HHIP: variants seen among roughly 807,000 people sequenced by gnomAD.
HHIP encodes hedgehog interacting protein.
HHIP carries 12 observed loss-of-function variants against 74.0 expected under a neutral mutation model. The ratio of observed to expected loss-of-function variants is 0.16; its 90% CI spans 0.10 to 0.26. HHIP has a LOEUF of 0.26. HHIP is among the 10% of genes least tolerant of loss of function. The pLI is 1.00. For synonymous variants in HHIP, 309 were observed against 311.6 expected (o/e 0.99, Z 0.09); for missense variants, 788 against 845.0 (o/e 0.93, Z 0.84).
In HHIP at chr4:144,740,832, A is replaced by G. The variant is rs925033794; in HGVS notation, c.*2875A>G. ...GATAAAGACGAAATAATGAAAAAGA[A>G]AAATGTATATTATTATTCCCTTGTC... On this transcript the variant is annotated 3_prime_UTR_variant, in exon 13 of 13. Transcript: ENST00000296575. 7 of 152,200 alleles carry G rather than the reference A, an allele frequency of 4.6e-5. No individual in the cohort carries two copies. The highest frequency in any genetic ancestry group is 1.4e-4 in the African/African-American group (6 of 41,450). The allele number at this position is 152,200 out of a possible 1,614,324, so 9.4% of individuals were successfully genotyped here.
At chr4:144,704,643 T>TA (rs1208050691) in intron 4 of HHIP, among the ~76,000 whole-genome samples, 13 of 152,218 alleles carry the variant, frequency 8.5e-5, no homozygotes, top group Non-Finnish European at 1.5e-4. Flanking sequence ...TACAAAGAAC[T>TA]ACTTTCAACA....
At chr4:144,655,552 A>C (rs547340125) in intron 2 of HHIP, among the ~76,000 whole-genome samples, 56 of 152,292 alleles carry the variant, frequency 3.7e-4, no homozygotes, top group African/African-American at 1.3e-3. Flanking sequence ...TCCTATTGCT[A>C]AGAAGGCCAA....
intron 4 of HHIP, among the ~76,000 whole-genome samples, chr4:144,702,651 C>T (rs1340045012): frequency 6.6e-6 from 1 of 151,132 alleles, no homozygotes; most frequent in East Asian, 1.9e-4. Context: ...GCCTATGAAG[C>T]TTGGATGAGG....
intron 4 of HHIP, among the ~76,000 whole-genome samples, chr4:144,689,056 T>C (rs552457459): frequency 2.6e-4 from 39 of 152,338 alleles, no homozygotes; most frequent in African/African-American, 8.4e-4. Context: ...AAAGAATCTT[T>C]CTATCAATTG....
At chr4:144,654,846 A>T (rs1374223756) in intron 2 of HHIP, 1 of 152,216 alleles carries the variant, frequency 6.6e-6, no homozygotes, top group East Asian at 1.9e-4. Context: ...TTTTTAGAAG[A>T]AACTAATCAA....
chr4:144,735,682 CT>C (rs36053039), intron 12 of HHIP, among the ~76,000 whole-genome samples: 75,134 of 151,902 alleles, frequency 0.49, 19,781 homozygotes, highest in South Asian at 0.72. Flanking sequence ...TATTAAAATA[CT>C]TATTGCCAAT....
intron 4 of HHIP, among the ~76,000 whole-genome samples, chr4:144,703,641 AAC>A (rs762534987): frequency 3.9e-4 from 60 of 152,276 alleles, no homozygotes; most frequent in Non-Finnish European, 8.2e-4. Flanking sequence ...TGGGGCTTTG[AAC>A]ACACACAGTC....
chr4:144,660,679 G>A (rs554171105), intron 4 of HHIP, among the ~76,000 whole-genome samples: 25 of 151,956 alleles, frequency 1.6e-4, no homozygotes, highest in African/African-American at 6.0e-4. Context: ...GTGGTAAGAA[G>A]ACCCAAATCA....
intron 6 of HHIP, 140 bp downstream of exon 6, chr4:144,707,400 G>C: frequency 1.5e-6 from 1 of 648,234 alleles, no homozygotes. Flanking sequence ...ATCAGTGTCT[G>C]CATTTATGAA....
At chr4:144,667,185 A>G (rs1728895891) in intron 4 of HHIP, among the ~76,000 whole-genome samples, 1 of 152,010 alleles carries the variant, frequency 6.6e-6, no homozygotes, top group Non-Finnish European at 1.5e-5. Context: ...CCCATCTTCT[A>G]CCAAAAATTT....
intron 10 of HHIP, among the ~76,000 whole-genome samples, 164 bp from the exon 11 acceptor site, chr4:144,718,711 T>C (rs574647155): frequency 3.3e-5 from 5 of 152,276 alleles, no homozygotes; most frequent in South Asian, 2.1e-4. Flanking sequence ...GAATTCTGGA[T>C]GCACTGTAAA....
intron 4 of HHIP, among the ~76,000 whole-genome samples, chr4:144,666,167 A>G (rs1207484339): frequency 6.6e-6 from 1 of 152,102 alleles, no homozygotes; most frequent in Non-Finnish European, 1.5e-5. Context: ...AATATCAAAC[A>G]TCACAAAACT....
chr4:144,677,681 G>C (rs1729207982), intron 4 of HHIP, among the ~76,000 whole-genome samples: 1 of 152,176 alleles, frequency 6.6e-6, no homozygotes, highest in African/African-American at 2.4e-5. Context: ...GAACAAATAA[G>C]ACCACTCGGA....
rs1730301802 is a variant in HHIP at position 144,711,483 on chromosome 4, T to TC, written c.1302-462dup. On this transcript the variant is annotated intron_variant, in intron 7 of 12. Transcript: ENST00000296575. ...TAGGTATTTGTCCTAAGGCTCTTCG[T>TC]CCCCCTGCACCCCGCCCCCCAACAG... Among the ~76,000 whole-genome samples the TC allele has an allele frequency of 2.0e-5, 3 of 152,082 alleles. No individual in the cohort carries two copies. In the South Asian group the frequency reaches 6.2e-4, roughly 32 times the overall value.
intron 11 of HHIP, among the ~76,000 whole-genome samples, chr4:144,726,064 T>C (rs545867280): frequency 6.6e-6 from 1 of 152,338 alleles, no homozygotes; most frequent in South Asian, 2.1e-4. Flanking sequence ...TCTCTGGTTA[T>C]ATTAAGTTAC....
At chr4:144,665,893 TA>T (rs1427650321) in intron 4 of HHIP, among the ~76,000 whole-genome samples, 1 of 152,202 alleles carries the variant, frequency 6.6e-6, no homozygotes, top group Non-Finnish European at 1.5e-5. Flanking sequence ...GTTTTTACAT[TA>T]ATATCTTTAT....
At chr4:144,697,789 T>G (rs1729861515) in intron 4 of HHIP, among the ~76,000 whole-genome samples, 2 of 152,060 alleles carry the variant, frequency 1.3e-5, no homozygotes, top group Admixed American at 1.3e-4. Context: ...TTTTTCCTCA[T>G]AGATGGAAAT....
chr4:144,711,925 A>C (rs1270531558), intron 7 of HHIP, 25 bp from the exon 8 acceptor site: 1 of 1,606,920 alleles, frequency 6.2e-7, no homozygotes, highest in East Asian at 2.2e-5. Context: ...GTAGGAATTA[A>C]TGTGTATCCC....
At chr4:144,668,380 G>T (rs139434629) in intron 4 of HHIP, among the ~76,000 whole-genome samples, 124 of 151,912 alleles carry the variant, frequency 8.2e-4, no homozygotes, top group African/African-American at 2.8e-3. Context: ...AACTTTAAAA[G>T]ATTTTAAAGT....
Sources: allele counts gnomAD v4.1 joint callset (sites outside exome capture counted in the v4.1 genomes callset), GRCh38; gene constraint gnomAD v4.1.1; transcripts MANE v1.5; gene names NCBI Gene and HGNC (gene_info 2026-07-23, HGNC 2026-07-21).